PDE9A: variants seen among roughly 807,000 people sequenced by gnomAD.
PDE9A encodes the protein high affinity cGMP-specific 3',5'-cyclic phosphodiesterase 9A.
PDE9A carries 60 observed loss-of-function variants against 87.4 expected under a neutral mutation model. The ratio of observed to expected loss-of-function variants is 0.69; its 90% CI spans 0.56 to 0.85. PDE9A has a LOEUF of 0.85. PDE9A is among the 40% of genes least tolerant of loss of function. The probability of loss-of-function intolerance (pLI) is 0.00; values close to 1 mark genes in which losing one functional copy is unlikely to be tolerated. For synonymous variants in PDE9A, 272 were observed against 279.4 expected (o/e 0.97, Z 0.27); for missense variants, 665 against 779.0 (o/e 0.85, Z 1.74).
At chr21:42,668,898 A>ACCCCCCCCCC (rs375148519) in intron 1 of PDE9A, among the ~76,000 whole-genome samples, 5 of 104,832 alleles carry the variant, frequency 4.8e-5, no homozygotes, top group South Asian at 2.8e-4. Context: ...TGCTCCCTCC[A>ACCCCCCCCCC]CCCCCCGCCA....
intron 3 of PDE9A, among the ~76,000 whole-genome samples, chr21:42,688,199 A>G (rs1347151339): frequency 1.3e-5 from 2 of 152,104 alleles, no homozygotes; most frequent in African/African-American, 4.8e-5. Context: ...CAAGATAACA[A>G]TTGCAGCCGT....
At chr21:42,769,831 C>T (rs1352156840) in intron 17 of PDE9A, among the ~76,000 whole-genome samples, 3 of 152,322 alleles carry the variant, frequency 2.0e-5, no homozygotes, top group South Asian at 4.1e-4. Flanking sequence ...TCTTCCCCGG[C>T]TGTCGTGGTG....
rs139490442 is a variant in PDE9A at position 42,718,102 on chromosome 21, T to C, written c.263-13668T>C. 3.9e-3 allele frequency among the ~76,000 whole-genome samples: 593 copies of C among 151,510 alleles called. 6 individuals are homozygous for C. The highest frequency in any genetic ancestry group is 0.013 in the African/African-American group (527 of 41,406). ...TTTTAGTAGAGACAGGATTTCACCA[T>C]GTTGGCCAGGCTGGTCTCGAACTCT... On this transcript the variant is annotated intron_variant, in intron 4 of 19. Transcript: ENST00000291539.
intron 10 of PDE9A, chr21:42,757,328 A>G (rs756574): frequency 0.98 from 148,807 of 152,394 alleles, 72,742 homozygotes; most frequent in African/African-American, 0.99. Flanking sequence ...TTTTCCAGAT[A>G]GATTTTCTGC....
chr21:42,686,030 C>T (rs1410208771), intron 1 of PDE9A, among the ~76,000 whole-genome samples, 162 bp from the exon 2 acceptor site: 1 of 152,222 alleles, frequency 6.6e-6, no homozygotes, highest in Non-Finnish European at 1.5e-5. Context: ...ATGCATCAAC[C>T]AAATGAAAAG....
intron 1 of PDE9A, among the ~76,000 whole-genome samples, chr21:42,678,770 G>A (rs911651482): frequency 5.3e-5 from 8 of 152,334 alleles, no homozygotes; most frequent in South Asian, 4.1e-4. Flanking sequence ...GCCACCTCCC[G>A]GGGGAAATAG....
chr21:42,690,421 TG>T (rs1237891159), intron 3 of PDE9A, among the ~76,000 whole-genome samples: 1 of 152,098 alleles, frequency 6.6e-6, no homozygotes, highest in East Asian at 1.9e-4. Flanking sequence ...CTAGATAATG[TG>T]GCTCTGGACG....
Position 42,653,814 on chromosome 21 carries a change from G to C in PDE9A, c.-1G>C. 6.4e-7 allele frequency: 1 copy of C among 1,553,496 alleles called. No homozygotes were observed. Among genetic ancestry groups the C allele is most frequent in the South Asian group, 1.2e-5 (1 of 84,360 alleles). ...GTCCGAGTGCAGCCGCCGGGCGCAG[G>C]ATGGGATCCGGCTCCTCCAGCTACC... On this transcript the variant is annotated 5_prime_UTR_variant, in exon 1 of 20. Coordinates refer to ENST00000291539, the MANE Select transcript of PDE9A (RefSeq NM_002606.3).
rs2056667797 is a variant in PDE9A, at chr21:42,769,147, G to A, written c.1582G>A (p.Val528Met). The change falls in exon 17 of 20, where the codon GTG (valine) becomes ATG (methionine). Residue 528 changes from valine (V) to methionine (M), a missense_variant. Coordinates refer to ENST00000291539, the MANE Select transcript of PDE9A (RefSeq NM_002606.3). ...KFVLIPMFET[V>M]TKLFPMVEEI... ...TGTCCTGATCCCAATGTTTGAAACAGTGACCAAGGTGAGTAACTGTCACCA... is the reference window on the plus strand; with the variant it reads ...TGTCCTGATCCCAATGTTTGAAACAATGACCAAGGTGAGTAACTGTCACCA... The A allele has an allele frequency of 4.3e-6, 7 of 1,613,042 alleles. No individual in the cohort carries two copies. Among genetic ancestry groups the A allele is most frequent in the Non-Finnish European group, 5.9e-6 (7 of 1,179,474 alleles).
Position 42,692,933 on chromosome 21 carries a change from C to T in PDE9A, c.218+4939C>T, listed in dbSNP as rs2059935301. ...GAATGCTCACCGTTTCTCTCCCGCC[C>T]CCCGGCCGCATGCTGCAGCCATTCC... On this transcript the variant is annotated intron_variant, in intron 3 of 19. Transcript: ENST00000291539. The surrounding 1 kb of genome is among the most constrained non-coding windows in gnomAD (Gnocchi z 4.3). Among the ~76,000 whole-genome samples the T allele has an allele frequency of 1.3e-5, 2 of 152,242 alleles. No individual in the cohort carries two copies. The highest frequency in any genetic ancestry group is 4.8e-5 in the African/African-American group (2 of 41,468).
In PDE9A at chr21:42,705,887, C is replaced by T. The variant is rs1004853970; in HGVS notation, c.262+6876C>T. ...TGCATCTGGCCCCCGCGGAGACCCA[C>T]ACCACATTCTACTCCCCTGGCCAGA... On this transcript the variant is annotated intron_variant, in intron 4 of 19. Coordinates refer to ENST00000291539, the MANE Select transcript of PDE9A (RefSeq NM_002606.3). This position sits in a 1 kb window ranked among gnomAD's most constrained non-coding sequence, Gnocchi z 4.3. 1.3e-5 allele frequency among the ~76,000 whole-genome samples: 2 copies of T among 152,158 alleles called. No individual in the cohort carries two copies. Among genetic ancestry groups the T allele is most frequent in the African/African-American group, 4.8e-5 (2 of 41,452 alleles).
At chr21:42,699,444 C>G (rs2060321661) in intron 4 of PDE9A, among the ~76,000 whole-genome samples, 2 of 152,388 alleles carry the variant, frequency 1.3e-5, no homozygotes, top group South Asian at 4.1e-4. Flanking sequence ...CAGCACCTGT[C>G]CTCCCCGCTC....
intron 4 of PDE9A, among the ~76,000 whole-genome samples, chr21:42,717,258 A>G (rs967433782): frequency 6.7e-5 from 10 of 148,422 alleles, no homozygotes; most frequent in Middle Eastern, 3.5e-3. Context: ...ATCTGCTAGT[A>G]ACTAATTCTC....
chr21:42,714,828 A>G (rs1602223053), intron 4 of PDE9A, among the ~76,000 whole-genome samples: 2 of 130,870 alleles, frequency 1.5e-5, no homozygotes, highest in South Asian at 5.9e-4. Context: ...GGTTGGGGTT[A>G]GCTCTACCAG....
intron 3 of PDE9A, among the ~76,000 whole-genome samples, chr21:42,697,773 A>G (rs1394382906): frequency 6.6e-6 from 1 of 151,990 alleles, no homozygotes; most frequent in Non-Finnish European, 1.5e-5. Context: ...ACCCTCAGGA[A>G]CTCCTCCAAA....
At chr21:42,688,386 G>T (rs1368538826) in intron 3 of PDE9A, among the ~76,000 whole-genome samples, 1 of 152,188 alleles carries the variant, frequency 6.6e-6, no homozygotes, top group Non-Finnish European at 1.5e-5. Flanking sequence ...CCCACTTAGG[G>T]CCGGTCTCTG....
chr21:42,732,696 C>A (rs2051939882), intron 6 of PDE9A, among the ~76,000 whole-genome samples: 1 of 152,184 alleles, frequency 6.6e-6, no homozygotes, highest in East Asian at 1.9e-4. Flanking sequence ...GGGCAGATCA[C>A]CTGAGGTCGG....
In PDE9A at chr21:42,695,460, G is replaced by A. The variant is rs2060090869; in HGVS notation, c.219-3508G>A. On this transcript the variant is annotated intron_variant, in intron 3 of 19. Coordinates refer to ENST00000291539, the MANE Select transcript of PDE9A (RefSeq NM_002606.3). The surrounding 1 kb of genome is among the most constrained non-coding windows in gnomAD (Gnocchi z 4.3). ...AGACACCTCAGTAGCGTGAGTGAAA[G>A]TGGGGTGTGTGGTGAGACACATACA... is the stretch of plus-strand genomic sequence containing the variant. Among the ~76,000 whole-genome samples, 1 of 152,208 alleles carries A rather than the reference G, an allele frequency of 6.6e-6. No individual in the cohort carries two copies. The highest frequency in any genetic ancestry group is 1.5e-5 in the Non-Finnish European group (1 of 68,044).
chr21:42,717,781 C>CTT (rs2050093154), intron 4 of PDE9A, among the ~76,000 whole-genome samples: 1 of 151,646 alleles, frequency 6.6e-6, no homozygotes, highest in Admixed American at 6.6e-5. Context: ...CTTCAAGAAG[C>CTT]TTAAAGATGT....
Sources: allele counts gnomAD v4.1 joint callset (sites outside exome capture counted in the v4.1 genomes callset), GRCh38; gene constraint gnomAD v4.1.1; non-coding constraint Gnocchi (gnomAD v3.1); transcripts MANE v1.5; gene names NCBI Gene and HGNC (gene_info 2026-07-23, HGNC 2026-07-21).